TRPM5: variants seen among roughly 807,000 people sequenced by gnomAD.
TRPM5 encodes transient receptor potential cation channel subfamily M member 5.
A neutral mutation model predicts 124.9 loss-of-function variants in TRPM5; 121 were observed. That is an observed-to-expected ratio of 0.97 (90% confidence interval 0.84 to 1.13). The LOEUF (loss-of-function observed/expected upper bound fraction) is 1.13, where lower values mean the gene tolerates loss of function less well. TRPM5 is among the 50% of genes most tolerant of loss of function. The pLI, the probability that TRPM5 is intolerant of heterozygous loss-of-function variation, is 0.00. For missense variants in TRPM5, 1,643 were observed against 1,589.1 expected (o/e 1.03, Z -0.58); for synonymous variants, 781 against 700.5 (o/e 1.11, Z -1.81).
chr11:2,407,644 C>G, intron 19 of TRPM5, 115 bp downstream of exon 24: 1 of 1,373,712 alleles, frequency 7.3e-7, no homozygotes, highest in Non-Finnish European at 1.0e-6. Context: ...CCCTGAGGCA[C>G]CAAGCCTCAC....
At chr11:2,421,289 C>T in intron 2 of TRPM5, 91 bp from the exon 8 acceptor site, 2 of 1,418,478 alleles carry the variant, frequency 1.4e-6, no homozygotes, top group Non-Finnish European at 1.9e-6. Flanking sequence ...CAATCAGCAG[C>T]CAGTTACCTG....
chr11:2,430,165 A>C, the TRPM5 span, among the ~76,000 whole-genome samples: 1 of 152,082 alleles, frequency 6.6e-6, no homozygotes, highest in Non-Finnish European at 1.5e-5. Context: ...AAACCCAAAG[A>C]AGCCTTGGAG....
chr11:2,439,563 G>C, the TRPM5 span, among the ~76,000 whole-genome samples: 1 of 152,178 alleles, frequency 6.6e-6, no homozygotes, highest in Non-Finnish European at 1.5e-5. Flanking sequence ...CGGTCAACAA[G>C]CATATAAAAG....
chr11:2,440,133 T>C, the TRPM5 span, among the ~76,000 whole-genome samples: 87 of 148,978 alleles, frequency 5.8e-4, no homozygotes, highest in Non-Finnish European at 1.0e-3. The surrounding 1 kb of genome is among the most constrained non-coding windows in gnomAD (Gnocchi z 5.2). Flanking sequence ...GGGAACTAAA[T>C]GATGGGTGCT....
rs572446413 is a variant in TRPM5 at position 2,407,588 on chromosome 11, T to C, written c.2936+171A>G. 2.6e-5 allele frequency among the ~76,000 whole-genome samples: 4 copies of C among 152,312 alleles called. No individual in the cohort carries two copies. The East Asian group carries it at 7.7e-4, about 29-fold the overall frequency. ...GGGTGGCCCACAGAGTTCCCGGTCTTGGGCAGGCAAAGCCCTGCAGTCCAG... is the reference window on the plus strand; with the variant it reads ...GGGTGGCCCACAGAGTTCCCGGTCTCGGGCAGGCAAAGCCCTGCAGTCCAG... On this transcript the variant is annotated intron_variant, in intron 19 of 23. Coordinates refer to ENST00000155858, the Ensembl canonical transcript of TRPM5.
exon 12 of TRPM5, chr11:2,414,114 G>A (rs1287514543): frequency 2.5e-6 from 4 of 1,600,960 alleles, no homozygotes; most frequent in Admixed American, 1.7e-5. Flanking sequence ...GTGGCCAGGT[G>A]CAGGCAGGTG....
At chr11:2,418,138 G>T in intron 6 of TRPM5, 29 bp downstream of exon 11, 3 of 1,515,276 alleles carry the variant, frequency 2.0e-6, no homozygotes, top group South Asian at 2.5e-5. Flanking sequence ...AGGAGGGGTC[G>T]GGAGGACAGG....
At chr11:2,414,009 G>GGGGGGGGCCCCCCCCCCCCCCC in intron 12 of TRPM5, 52 bp downstream of exon 17, 10 of 1,023,702 alleles carry the variant, frequency 9.8e-6, no homozygotes, top group African/African-American at 1.6e-5. Flanking sequence ...GGCCCAGCTC[G>GGGGGGGGCCCCCCCCCCCCCCC]CCCGCCCACC....
chr11:2,413,550 T>G, exon 13 of TRPM5: 1 of 1,612,508 alleles, frequency 6.2e-7, no homozygotes, highest in Non-Finnish European at 8.5e-7. Context: ...TGGGCGTGCC[T>G]GCGGCCATGT....
intron 19 of TRPM5, 42 bp from the exon 25 acceptor site, chr11:2,407,342 G>C (rs746585320): frequency 6.4e-7 from 1 of 1,569,106 alleles, no homozygotes; most frequent in Non-Finnish European, 8.6e-7. Context: ...GGCTCCCCAC[G>C]ACCACTTGGG....
At chr11:2,409,008 G>A (rs1036856672) in intron 18 of TRPM5, among the ~76,000 whole-genome samples, 1 of 152,240 alleles carries the variant, frequency 6.6e-6, no homozygotes, top group Non-Finnish European at 1.5e-5. Context: ...CCTGCGGTGG[G>A]TTCTGGGGGG....
chr11:2,415,872 G>A (rs1420696291), intron 8 of TRPM5, 34 bp downstream of exon 13: 2 of 1,470,946 alleles, frequency 1.4e-6, no homozygotes, highest in Non-Finnish European at 9.3e-7. Context: ...GCAGTGCCAT[G>A]ATGGGGAGGT....
At chr11:2,405,907 C>G (rs1440221099) in intron 22 of TRPM5, 112 bp downstream of exon 27, 1 of 1,029,626 alleles carries the variant, frequency 9.7e-7, no homozygotes, top group Non-Finnish European at 1.5e-6. Flanking sequence ...CCTGTCCTGG[C>G]TCTGGCCTGC....
At chr11:2,416,685 G>C (rs1845687388) in intron 7 of TRPM5, among the ~76,000 whole-genome samples, 2 of 152,152 alleles carry the variant, frequency 1.3e-5, no homozygotes, top group Non-Finnish European at 2.9e-5. Flanking sequence ...GCCACCCGCA[G>C]TCCAGACACC....
chr11:2,412,395 CT>C (rs1850470702), intron 15 of TRPM5, 142 bp from the exon 21 acceptor site: 1 of 664,688 alleles, frequency 1.5e-6, no homozygotes, highest in Non-Finnish European at 2.6e-6. Flanking sequence ...TAGGGGTCCA[CT>C]GAAGCTATTC....
chr11:2,411,802 C>T (rs1457704591), intron 16 of TRPM5, 35 bp from the exon 22 acceptor site: 3 of 1,608,308 alleles, frequency 1.9e-6, no homozygotes, highest in Non-Finnish European at 2.5e-6. Flanking sequence ...CTGCGGGGCC[C>T]AGAGAGGGGC....
Position 2,414,709 on chromosome 11 carries a change from A to T in TRPM5, c.1744+6T>A. 6.5e-7 allele frequency: 1 copy of T among 1,530,892 alleles called. No individual in the cohort carries two copies. Among genetic ancestry groups the T allele is most frequent in the Non-Finnish European group, 8.8e-7 (1 of 1,138,428 alleles). 94.8% of individuals were successfully genotyped at this position (1,530,892 alleles called of 1,614,324 possible). A position where few individuals can be genotyped will look rare whatever the true frequency, so the allele number is the denominator to read the frequency against. On this transcript the variant is annotated splice_donor_region_variant and intron_variant, in intron 11 of 23. Transcript: ENST00000155858. ...GCGGGCCCGGCCCCAGCCGCCGGTC[A>T]CTCACCAAGGGCCAGCCGCTCGTAT...
chr11:2,409,785 G>A (rs1177802695), intron 18 of TRPM5, among the ~76,000 whole-genome samples: 1 of 152,174 alleles, frequency 6.6e-6, no homozygotes, highest in African/African-American at 2.4e-5. Flanking sequence ...TGGGCGGCCG[G>A]GGCTGGCCCT....
chr11:2,407,434 G>A (rs2133499989), intron 19 of TRPM5, 134 bp from the exon 25 acceptor site: 4 of 898,750 alleles, frequency 4.5e-6, no homozygotes, highest in South Asian at 1.6e-5. Flanking sequence ...CGTTGCCTCT[G>A]GGGTGTGTCA....
Sources: gnomAD v4.1 joint callset for allele counts (sites outside exome capture counted in the v4.1 genomes callset) on GRCh38, gnomAD v4.1.1 for gene constraint, Gnocchi (gnomAD v3.1) non-coding constraint, MANE v1.5 for transcripts, NCBI Gene and HGNC (gene_info 2026-07-23, HGNC 2026-07-21) for gene names.